The following ATRNL1 variants were observed in gnomAD, a reference collection of about 807,000 sequenced individuals.
The protein encoded by ATRNL1 is attractin like 1, also known as attractin-like protein 1.
In ATRNL1, 95 loss-of-function variants were observed where a neutral mutation model predicts 182.7. The observed-to-expected ratio is 0.52, with a 90% CI of 0.44 to 0.62. The LOEUF (loss-of-function observed/expected upper bound fraction) is 0.62. ATRNL1 is among the 20% of genes least tolerant of loss of function. The pLI, the probability that ATRNL1 is intolerant of heterozygous loss-of-function variation, is 0.00. For missense variants in ATRNL1, 1,471 were observed against 1,679.5 expected, an observed-to-expected ratio of 0.88 and a Z score of 2.17; for synonymous variants, 576 against 568.3, an observed-to-expected ratio of 1.01 and a Z score of -0.19.
intron 21 of ATRNL1, among the ~76,000 whole-genome samples, chr10:115,440,222 T>G (rs1206330058): frequency 1.3e-5 from 2 of 151,904 alleles, no homozygotes; most frequent in Non-Finnish European, 2.9e-5. Flanking sequence ...ACCTTGTACT[T>G]TCCCTCTTCC....
chr10:115,856,554 CGG>C (rs1951193220), intron 28 of ATRNL1, among the ~76,000 whole-genome samples: 1 of 151,530 alleles, frequency 6.6e-6, no homozygotes, highest in South Asian at 2.1e-4. Context: ...GCACCAGGGA[CGG>C]GTTTCGTGGA....
At chr10:115,658,689 C>A (rs1322231005) in intron 26 of ATRNL1, among the ~76,000 whole-genome samples, 1 of 152,090 alleles carries the variant, frequency 6.6e-6, no homozygotes, top group Non-Finnish European at 1.5e-5. Flanking sequence ...GGTATTTATT[C>A]CCTCTGCCTC....
intron 19 of ATRNL1, among the ~76,000 whole-genome samples, chr10:115,346,817 T>C (rs77545617): frequency 0.02 from 2,981 of 152,236 alleles, 93 homozygotes; most frequent in African/African-American, 0.067. Flanking sequence ...TTTTCCACCA[T>C]TCTGTAGGTT....
At chr10:115,742,159 A>G (rs373436110) in intron 27 of ATRNL1, among the ~76,000 whole-genome samples, 1 of 152,244 alleles carries the variant, frequency 6.6e-6, no homozygotes, top group Non-Finnish European at 1.5e-5. Context: ...AGGATAGATG[A>G]CCCATTTTGA....
At chr10:115,461,769 G>A (rs1319011140) in intron 21 of ATRNL1, among the ~76,000 whole-genome samples, 172 bp from the exon 22 acceptor site, 4 of 151,780 alleles carry the variant, frequency 2.6e-5, no homozygotes, top group African/African-American at 9.7e-5. Flanking sequence ...ACTATGTTTT[G>A]CTTTTTGTTG....
chr10:115,270,880 A>C (rs1447474250), intron 13 of ATRNL1, among the ~76,000 whole-genome samples: 1 of 152,144 alleles, frequency 6.6e-6, no homozygotes, highest in Non-Finnish European at 1.5e-5. Context: ...CCCCTTGTCA[A>C]CTTGGCACCT....
chr10:115,755,481 G>A (rs1341254770), intron 27 of ATRNL1, among the ~76,000 whole-genome samples: 1 of 152,078 alleles, frequency 6.6e-6, no homozygotes, highest in Non-Finnish European at 1.5e-5. Context: ...TTATTGATTA[G>A]CGTATGTTGA....
intron 27 of ATRNL1, among the ~76,000 whole-genome samples, chr10:115,766,553 C>T (rs1948862289): frequency 6.6e-6 from 1 of 152,136 alleles, no homozygotes; most frequent in African/African-American, 2.4e-5. Context: ...AGTAGTATCT[C>T]ATAGTTTTAA....
intron 26 of ATRNL1, among the ~76,000 whole-genome samples, chr10:115,568,333 A>G (rs1592865415): frequency 6.6e-6 from 1 of 152,208 alleles, no homozygotes; most frequent in African/African-American, 2.4e-5. Flanking sequence ...TTTAAAGTTA[A>G]TTTAATTATC....
intron 18 of ATRNL1, among the ~76,000 whole-genome samples, chr10:115,319,966 G>A (rs1160911312): frequency 6.6e-6 from 1 of 151,590 alleles, no homozygotes; most frequent in Non-Finnish European, 1.5e-5. Context: ...CACACTAGTT[G>A]ATGCAGTTTC....
At chr10:115,723,136 A>G (rs1418236632) in intron 26 of ATRNL1, among the ~76,000 whole-genome samples, 1 of 152,226 alleles carries the variant, frequency 6.6e-6, no homozygotes, top group Non-Finnish European at 1.5e-5. Context: ...GCATGGAGAC[A>G]TAAAGAGATG....
At chr10:115,625,331 A>T (rs1179478961) in intron 26 of ATRNL1, among the ~76,000 whole-genome samples, 2 of 152,182 alleles carry the variant, frequency 1.3e-5, no homozygotes, top group East Asian at 3.9e-4. Context: ...AGCTGATAGA[A>T]ATTTCTGATG....
chr10:115,741,166 G>A (rs567280653), intron 27 of ATRNL1, among the ~76,000 whole-genome samples: 25 of 152,176 alleles, frequency 1.6e-4, no homozygotes, highest in African/African-American at 4.8e-4. Flanking sequence ...AGATATGTGC[G>A]TGTAAAAATA....
intron 8 of ATRNL1, among the ~76,000 whole-genome samples, chr10:115,179,057 A>T (rs1847645572): frequency 6.6e-6 from 1 of 152,178 alleles, no homozygotes; most frequent in African/African-American, 2.4e-5. Context: ...ATGAATAAAT[A>T]CGATTTTCAT....
intron 1 of ATRNL1, among the ~76,000 whole-genome samples, chr10:115,118,548 G>T (rs1844591421): frequency 6.6e-6 from 1 of 152,026 alleles, no homozygotes; most frequent in African/African-American, 2.4e-5. Context: ...TGAGGTAAAG[G>T]CTGGTTAACT....
intron 8 of ATRNL1, among the ~76,000 whole-genome samples, chr10:115,192,646 T>C (rs1478945900): frequency 6.6e-6 from 1 of 152,118 alleles, no homozygotes; most frequent in Non-Finnish European, 1.5e-5. Flanking sequence ...AGTATTTTGA[T>C]AGGCATTATG....
chr10:115,643,712 C>G (rs1441497736), intron 26 of ATRNL1, among the ~76,000 whole-genome samples: 1 of 151,992 alleles, frequency 6.6e-6, no homozygotes, highest in African/African-American at 2.4e-5. Context: ...TAGTCTTAGA[C>G]AAATACAAAT....
At chr10:115,608,712 T>C (rs1856993409) in intron 26 of ATRNL1, among the ~76,000 whole-genome samples, 1 of 152,100 alleles carries the variant, frequency 6.6e-6, no homozygotes, top group Non-Finnish European at 1.5e-5. Flanking sequence ...AAATTTAAAA[T>C]TATTTACCTA....
chr10:115,519,526 A>G (rs1358414525), intron 25 of ATRNL1, among the ~76,000 whole-genome samples: 4 of 152,162 alleles, frequency 2.6e-5, no homozygotes, highest in Non-Finnish European at 5.9e-5. Context: ...TTTTGCTGTT[A>G]TACTATTTAA....
Sources: gnomAD v4.1 joint callset for allele counts (sites outside exome capture counted in the v4.1 genomes callset) on GRCh38, gnomAD v4.1.1 for gene constraint, MANE v1.5 for transcripts, NCBI Gene and HGNC (gene_info 2026-07-23, HGNC 2026-07-21) for gene names.